Variants in EIF2AK2 observed in about 807,000 individuals in gnomAD.
The protein encoded by EIF2AK2 is eukaryotic translation initiation factor 2 alpha kinase 2, also known as interferon-induced, double-stranded RNA-activated protein kinase.
EIF2AK2 carries 40 observed loss-of-function variants against 70.5 expected under a neutral mutation model. The ratio of observed to expected loss-of-function variants is 0.57; its 90% CI spans 0.44 to 0.74. The LOEUF (loss-of-function observed/expected upper bound fraction) is 0.74, where lower values mean the gene tolerates loss of function less well. Ranked by LOEUF, EIF2AK2 falls within the 30% of genes least tolerant of loss-of-function variation. EIF2AK2 has a pLI of 0.00. For missense variants in EIF2AK2, 555 were observed against 644.3 expected (o/e 0.86, Z 1.50); for synonymous variants, 198 against 220.9 (o/e 0.90, Z 0.92).
Position 37,128,567 on chromosome 2 carries a change from T to C in EIF2AK2, c.786-2156A>G, listed in dbSNP as rs575454757. ...GGATAGTGCAATGTCAATTAAACTGTTCGGGTGGAAGTATAATTTAGCCTT... is the reference window on the plus strand; with the variant it reads ...GGATAGTGCAATGTCAATTAAACTGCTCGGGTGGAAGTATAATTTAGCCTT... On this transcript the variant is annotated intron_variant, in intron 10 of 16. Coordinates refer to ENST00000233057, the MANE Select transcript of EIF2AK2 (RefSeq NM_001135651.3). Among the ~76,000 whole-genome samples, 7 of 152,294 alleles carry C rather than the reference T, an allele frequency of 4.6e-5. No homozygotes were observed. The South Asian group carries it at 1.2e-3, about 27-fold the overall frequency.
intron 10 of EIF2AK2, among the ~76,000 whole-genome samples, chr2:37,128,770 C>T (rs1057105066): frequency 2.6e-5 from 4 of 152,100 alleles, no homozygotes; most frequent in Non-Finnish European, 5.9e-5. Context: ...ATCCAGTGGC[C>T]AATGATGCAG....
chr2:37,142,073 CTAT>C (rs1181700153), intron 4 of EIF2AK2, among the ~76,000 whole-genome samples: 1 of 152,092 alleles, frequency 6.6e-6, no homozygotes, highest in South Asian at 2.1e-4. Context: ...ATCATTTCTA[CTAT>C]TATTATCTCT....
intron 10 of EIF2AK2, among the ~76,000 whole-genome samples, chr2:37,134,268 GC>G: frequency 6.6e-6 from 1 of 152,160 alleles, no homozygotes; most frequent in East Asian, 1.9e-4. Context: ...AAGCCACAAG[GC>G]CCTCCCATTG....
chr2:37,126,414 TA>T lies in EIF2AK2; in HGVS notation c.786-4del. 6.2e-7 allele frequency: 1 copy of T among 1,604,806 alleles called. No individual in the cohort carries two copies. ...TTTCTTTAAAATCCATGCCAAACCT[TA>T]AAGATAAAAACCACTGTTATTTTGA... On this transcript the variant is annotated splice_polypyrimidine_tract_variant and splice_region_variant and intron_variant, in intron 10 of 16. Coordinates refer to ENST00000233057, the MANE Select transcript of EIF2AK2 (RefSeq NM_001135651.3).
intron 1 of EIF2AK2, among the ~76,000 whole-genome samples, chr2:37,155,115 T>C (rs1675879246): frequency 6.6e-6 from 1 of 152,070 alleles, no homozygotes; most frequent in South Asian, 2.1e-4. Context: ...AAAGCACGCT[T>C]CCACCATGGA....
intron 1 of EIF2AK2, among the ~76,000 whole-genome samples, chr2:37,155,767 C>G (rs534493498): frequency 1.9e-4 from 29 of 152,092 alleles, no homozygotes; most frequent in African/African-American, 6.7e-4. Context: ...ACGGTGAAAC[C>G]CTGTCTCTAC....
At chr2:37,110,263 T>A (rs570804209) in intron 14 of EIF2AK2, among the ~76,000 whole-genome samples, 42 of 151,254 alleles carry the variant, frequency 2.8e-4, no homozygotes, top group African/African-American at 9.9e-4. Context: ...ATTTCTGTAT[T>A]TTTGTTTTTT....
intron 10 of EIF2AK2, among the ~76,000 whole-genome samples, chr2:37,129,860 T>C (rs1558418958): frequency 6.6e-6 from 1 of 152,154 alleles, no homozygotes; most frequent in Non-Finnish European, 1.5e-5. Flanking sequence ...CTATTTATTA[T>C]CATCTCAAGA....
intron 14 of EIF2AK2, among the ~76,000 whole-genome samples, chr2:37,111,881 AT>A (rs57214232): frequency 0.068 from 2,986 of 44,012 alleles, 74 homozygotes; most frequent in East Asian, 0.085. Context: ...AAAAAAAAAT[AT>A]ATATATATAT....
chr2:37,130,258 T>C (rs1258356028), intron 10 of EIF2AK2, among the ~76,000 whole-genome samples: 5 of 152,242 alleles, frequency 3.3e-5, no homozygotes, highest in East Asian at 3.9e-4. Context: ...TGTGCCACCA[T>C]GCCCAACTAA....
At chr2:37,155,939 CAAAAA>C (rs756767460) in intron 1 of EIF2AK2, among the ~76,000 whole-genome samples, 1 of 110,834 alleles carries the variant, frequency 9.0e-6, no homozygotes, top group East Asian at 2.4e-4. Context: ...GAATCTGTCT[CAAAAA>C]AAAAAAAAAA....
At chr2:37,122,017 T>A (rs73924979) in intron 12 of EIF2AK2, among the ~76,000 whole-genome samples, 4,607 of 152,176 alleles carry the variant, frequency 0.03, 225 homozygotes, top group African/African-American at 0.1. Context: ...GTCTTAAAAA[T>A]ATTTTCACTC....
chr2:37,128,601 C>T (rs1429243512), intron 10 of EIF2AK2, among the ~76,000 whole-genome samples: 1 of 152,112 alleles, frequency 6.6e-6, no homozygotes, highest in Non-Finnish European at 1.5e-5. Flanking sequence ...TTATAATGGG[C>T]CCTCAAGAAA....
intron 14 of EIF2AK2, among the ~76,000 whole-genome samples, chr2:37,109,883 T>C (rs1384901506): frequency 6.6e-6 from 1 of 152,198 alleles, no homozygotes. Context: ...GCTATGGTGA[T>C]AGAACTCAGA....
intron 11 of EIF2AK2, among the ~76,000 whole-genome samples, chr2:37,124,046 C>A (rs1674647532): frequency 6.6e-6 from 1 of 151,346 alleles, no homozygotes; most frequent in Admixed American, 6.6e-5. Flanking sequence ...TGGCTCACTG[C>A]AACCTCCACC....
In EIF2AK2 at chr2:37,106,513, TG is replaced by T. The variant is rs1253314989; in HGVS notation, c.*759del. ...GAATTGATAGCTATGTGGGTATACA[TG>T]GATTCAACTTTACTAGATAATGCCA... On this transcript the variant is annotated 3_prime_UTR_variant, in exon 17 of 17. Coordinates refer to ENST00000233057, the MANE Select transcript of EIF2AK2 (RefSeq NM_001135651.3). The T allele has an allele frequency of 6.6e-6, 1 of 151,960 alleles. No individual in the cohort carries two copies. Among genetic ancestry groups the T allele is most frequent in the Non-Finnish European group, 1.5e-5 (1 of 68,018 alleles). 9.4% of individuals were successfully genotyped at this position (151,960 alleles called of 1,614,324 possible).
chr2:37,111,878 A>AATATATAT (rs869140054), intron 14 of EIF2AK2, among the ~76,000 whole-genome samples: 3 of 69,130 alleles, frequency 4.3e-5, no homozygotes, highest in South Asian at 5.6e-4. Context: ...AAAAAAAAAA[A>AATATATAT]ATATATATAT....
At chr2:37,129,562 G>A (rs1394638910) in intron 10 of EIF2AK2, among the ~76,000 whole-genome samples, 1 of 152,156 alleles carries the variant, frequency 6.6e-6, no homozygotes, top group African/African-American at 2.4e-5. Context: ...GGTTAATTGG[G>A]ACGGTATCTG....
chr2:37,107,382 T>C lies in EIF2AK2; in HGVS notation c.1547A>G (p.Gln516Arg), dbSNP rs1359703206. ...CTCAGGTTTCTTTGAGAGTAATTTC[T>C]GTAGAAGAGTTTTCTGCAATGACAG... The part of the protein sequence containing the change: ...IFDKKEKTLL[Q>R]KLLSKKPEDR... Residue 516 changes from glutamine (Q) to arginine (R), a missense_variant, in exon 17 of 17, where the codon CAG becomes CGG. By Grantham distance (43) the Gln-to-Arg change is conservative. Coordinates refer to ENST00000233057, the MANE Select transcript of EIF2AK2 (RefSeq NM_001135651.3). The C allele has an allele frequency of 1.2e-6, 2 of 1,613,776 alleles. No homozygotes were observed. The highest frequency in any genetic ancestry group is 1.7e-6 in the Non-Finnish European group (2 of 1,179,946).
Sources: gnomAD v4.1 joint callset for allele counts (sites outside exome capture counted in the v4.1 genomes callset) on GRCh38, gnomAD v4.1.1 for gene constraint, MANE v1.5 for transcripts, NCBI Gene and HGNC (gene_info 2026-07-23, HGNC 2026-07-21) for gene names.